SLCO1A2: variants seen among roughly 807,000 people sequenced by gnomAD.
SLCO1A2 encodes solute carrier organic anion transporter family member 1A2.
SLCO1A2 carries 67 observed loss-of-function variants against 69.0 expected under a neutral mutation model. The ratio of observed to expected loss-of-function variants is 0.97; its 90% CI spans 0.80 to 1.19. The LOEUF is 1.19. Ranked by LOEUF, SLCO1A2 falls within the 50% of genes most tolerant of loss-of-function variation. The probability of loss-of-function intolerance (pLI) is 0.00; values close to 1 mark genes in which losing one functional copy is unlikely to be tolerated. For synonymous variants in SLCO1A2, 260 were observed against 265.9 expected (o/e 0.98, Z 0.22); for missense variants, 787 against 793.7 (o/e 0.99, Z 0.10).
chr12:21,391,672 AT>A (rs990936729), intron 1 of SLCO1A2, among the ~76,000 whole-genome samples: 11 of 151,268 alleles, frequency 7.3e-5, no homozygotes, highest in Non-Finnish European at 1.3e-4. Context: ...TTATAGGTCC[AT>A]TTTTTTTAAA....
intron 1 of SLCO1A2, among the ~76,000 whole-genome samples, chr12:21,391,748 A>C (rs1453366182): frequency 6.6e-6 from 1 of 151,900 alleles, no homozygotes; most frequent in Non-Finnish European, 1.5e-5. Flanking sequence ...AAGAAAAAAA[A>C]AAAAGCAAAA....
At chr12:21,316,026 T>G (rs534371209) in intron 3 of SLCO1A2, among the ~76,000 whole-genome samples, 1 of 152,334 alleles carries the variant, frequency 6.6e-6, no homozygotes, top group Non-Finnish European at 1.5e-5. Flanking sequence ...TTTCACACTA[T>G]TTCTAATCAT....
intron 1 of SLCO1A2, among the ~76,000 whole-genome samples, chr12:21,387,705 G>A (rs1174242696): frequency 6.6e-6 from 1 of 152,200 alleles, no homozygotes; most frequent in Non-Finnish European, 1.5e-5. Flanking sequence ...GACATGCGGG[G>A]TTGGAGCGCC....
At chr12:21,306,230 C>T (rs1949368448) in intron 5 of SLCO1A2, among the ~76,000 whole-genome samples, 1 of 152,198 alleles carries the variant, frequency 6.6e-6, no homozygotes, top group East Asian at 1.9e-4. Context: ...TTCCTATTTA[C>T]ATAATCATAT....
intron 6 of SLCO1A2, 114 bp downstream of exon 6, chr12:21,304,313 A>G: frequency 1.2e-6 from 1 of 809,834 alleles, no homozygotes. Context: ...CAACTGTGCC[A>G]AGATACTCTA....
At chr12:21,306,006 G>C (rs139638883) in intron 5 of SLCO1A2, among the ~76,000 whole-genome samples, 120 of 152,224 alleles carry the variant, frequency 7.9e-4, no homozygotes, top group African/African-American at 2.6e-3. Flanking sequence ...TTGGTGCCTA[G>C]GGCTACCAGA....
chr12:21,362,297 C>G (rs1938970257), intron 2 of SLCO1A2, among the ~76,000 whole-genome samples: 1 of 152,078 alleles, frequency 6.6e-6, no homozygotes, highest in South Asian at 2.1e-4. Flanking sequence ...CCCAGTCAAA[C>G]TAAGCTTCAT....
intron 1 of SLCO1A2, among the ~76,000 whole-genome samples, chr12:21,392,439 C>T (rs1327857319): frequency 6.6e-6 from 1 of 152,172 alleles, no homozygotes; most frequent in Non-Finnish European, 1.5e-5. Context: ...GAATTGGACA[C>T]CAGTCCCCTG....
At chr12:21,376,753 A>C (rs34417126) in intron 1 of SLCO1A2, among the ~76,000 whole-genome samples, 29,976 of 151,954 alleles carry the variant, frequency 0.2, 3,143 homozygotes, top group African/African-American at 0.27. Context: ...CTCCCCACAC[A>C]AGGTAAACAC....
chr12:21,327,507 G>T (rs950510843), intron 2 of SLCO1A2, among the ~76,000 whole-genome samples: 2 of 152,110 alleles, frequency 1.3e-5, no homozygotes, highest in African/African-American at 2.4e-5. Context: ...CAGGAGAGGG[G>T]CACTGTACCC....
intron 1 of SLCO1A2, among the ~76,000 whole-genome samples, chr12:21,416,715 C>T (rs1941995461): frequency 6.6e-6 from 1 of 151,798 alleles, no homozygotes; most frequent in African/African-American, 2.4e-5. Flanking sequence ...GAGTTTTGAA[C>T]AAAGGGCCCC....
rs1295748537 is a variant in SLCO1A2 at position 21,287,861 on chromosome 12, T to C, written c.1610+4303A>G. Among the ~76,000 whole-genome samples the C allele has an allele frequency of 2.3e-3, 146 of 63,268 alleles. 1 individual carries two copies. The highest frequency in any genetic ancestry group is 3.4e-3 in the Non-Finnish European group (120 of 35,506). 41.5% of individuals were successfully genotyped at this position (63,268 alleles called of 152,430 possible). ...GAATATCACACTCTGGGGACTGTGG[T>C]GGGGTGGGGGGAGGGGGGAGGGATA... On this transcript the variant is annotated intron_variant, in intron 12 of 14. Transcript: ENST00000683939.
At chr12:21,348,231 A>G (rs1180549344) in intron 2 of SLCO1A2, among the ~76,000 whole-genome samples, 1 of 152,238 alleles carries the variant, frequency 6.6e-6, no homozygotes, top group African/African-American at 2.4e-5. Flanking sequence ...GCATTTAACC[A>G]TTGAGTTGCA....
At chr12:21,278,047 T>A (rs1944185683) in intron 12 of SLCO1A2, among the ~76,000 whole-genome samples, 1 of 151,822 alleles carries the variant, frequency 6.6e-6, no homozygotes, top group Non-Finnish European at 1.5e-5. Flanking sequence ...CGTAGCAGCA[T>A]TCACACAGGC....
intron 2 of SLCO1A2, among the ~76,000 whole-genome samples, chr12:21,326,796 CAA>C (rs768380513): frequency 1.2e-4 from 18 of 152,022 alleles, no homozygotes; most frequent in Non-Finnish European, 2.4e-4. Flanking sequence ...TATTAATTCA[CAA>C]AGATATGGTT....
Position 21,300,580 on chromosome 12 carries a change from A to C in SLCO1A2, c.689-11T>G. On this transcript the variant is annotated splice_polypyrimidine_tract_variant and intron_variant, in intron 7 of 14. Transcript: ENST00000683939. Reference sequence around the variant, plus strand: ...TTATGATCAGATCATCTGTAAAAAAATACACACACTGTTATTAGCTTAAGT... The same window carrying C: ...TTATGATCAGATCATCTGTAAAAAACTACACACACTGTTATTAGCTTAAGT... The C allele has an allele frequency of 6.3e-7, 1 of 1,581,930 alleles. No individual in the cohort carries two copies. The highest frequency in any genetic ancestry group is 8.6e-7 in the Non-Finnish European group (1 of 1,158,620).
intron 2 of SLCO1A2, among the ~76,000 whole-genome samples, chr12:21,368,116 G>T (rs1335174090): frequency 2.6e-5 from 4 of 152,056 alleles, no homozygotes; most frequent in Non-Finnish European, 5.9e-5. Flanking sequence ...TGAACCCACT[G>T]ATCATTTTTA....
intron 1 of SLCO1A2, among the ~76,000 whole-genome samples, chr12:21,411,584 C>A (rs1019420599): frequency 7.2e-5 from 11 of 152,174 alleles, no homozygotes; most frequent in African/African-American, 2.4e-4. Context: ...CTGTTTGTGA[C>A]CTTTTACTTG....
chr12:21,383,359 C>T (rs1179854119), intron 1 of SLCO1A2, among the ~76,000 whole-genome samples: 1 of 152,170 alleles, frequency 6.6e-6, no homozygotes, highest in Non-Finnish European at 1.5e-5. Flanking sequence ...CATCCTATAG[C>T]TGGTCCCTTA....
Sources: gnomAD v4.1 joint callset for allele counts (sites outside exome capture counted in the v4.1 genomes callset) on GRCh38, gnomAD v4.1.1 for gene constraint, MANE v1.5 for transcripts, NCBI Gene and HGNC (gene_info 2026-07-23, HGNC 2026-07-21) for gene names.